CACNA2D1: variants seen among roughly 807,000 people sequenced by gnomAD.
The protein encoded by CACNA2D1 is voltage-dependent calcium channel subunit alpha-2/delta-1.
Under a neutral mutation model 171.5 loss-of-function variants are expected in CACNA2D1, and 53 were observed. The observed-to-expected ratio is 0.31, with a 90% CI of 0.25 to 0.39. The LOEUF (loss-of-function observed/expected upper bound fraction) is 0.39, where lower values mean the gene tolerates loss of function less well. Among genes scored for constraint, CACNA2D1 ranks in the 10% least tolerant of loss-of-function variants. The probability of loss-of-function intolerance (pLI) is 1.00; values close to 1 mark genes in which losing one functional copy is unlikely to be tolerated. For missense variants in CACNA2D1, 903 were observed against 1,299.8 expected (o/e 0.69, Z 4.69); for synonymous variants, 442 against 443.1 (o/e 1.00, Z 0.03).
At chr7:82,299,411 A>C (rs1812722815) in intron 3 of CACNA2D1, among the ~76,000 whole-genome samples, 1 of 152,108 alleles carries the variant, frequency 6.6e-6, no homozygotes, top group Admixed American at 6.5e-5. Flanking sequence ...CTGTAATCCC[A>C]GCACTTTGGG....
At chr7:82,276,947 C>T (rs915638267) in intron 3 of CACNA2D1, among the ~76,000 whole-genome samples, 2 of 151,922 alleles carry the variant, frequency 1.3e-5, no homozygotes, top group African/African-American at 4.8e-5. Flanking sequence ...TAGGGTTCAC[C>T]ATGTTGGCCA....
At chr7:82,323,730 A>G (rs964671058) in intron 3 of CACNA2D1, among the ~76,000 whole-genome samples, 3 of 152,226 alleles carry the variant, frequency 2.0e-5, no homozygotes, top group Non-Finnish European at 4.4e-5. Context: ...TACAAACCCA[A>G]CACTCCCTTT....
At chr7:81,974,848 T>C (rs1011583808) in intron 24 of CACNA2D1, among the ~76,000 whole-genome samples, 20 of 151,864 alleles carry the variant, frequency 1.3e-4, no homozygotes, top group Non-Finnish European at 2.6e-4. Context: ...CATATAGCAA[T>C]TAAAACAGAA....
At chr7:82,009,995 G>T (rs555494703) in intron 15 of CACNA2D1, among the ~76,000 whole-genome samples, 9 of 151,702 alleles carry the variant, frequency 5.9e-5, no homozygotes, top group South Asian at 2.1e-4. Flanking sequence ...TCATTTTTTT[G>T]ATATACTCAG....
At chr7:82,258,592 C>T (rs1806595062) in intron 3 of CACNA2D1, among the ~76,000 whole-genome samples, 1 of 152,102 alleles carries the variant, frequency 6.6e-6, no homozygotes, top group South Asian at 2.1e-4. Context: ...TTGAGCATCA[C>T]TCTAAACAGT....
At chr7:82,105,034 A>C (rs912400400) in intron 6 of CACNA2D1, among the ~76,000 whole-genome samples, 1 of 152,016 alleles carries the variant, frequency 6.6e-6, no homozygotes, top group African/African-American at 2.4e-5. Context: ...CTTATTTTTC[A>C]AACAGCTATA....
chr7:82,138,592 G>A (rs564773836), intron 4 of CACNA2D1, among the ~76,000 whole-genome samples: 2 of 151,612 alleles, frequency 1.3e-5, no homozygotes, highest in African/African-American at 2.4e-5. Context: ...GACTACAGGC[G>A]CCCGCCACCA....
chr7:82,077,659 A>G (rs1809154904), intron 7 of CACNA2D1, among the ~76,000 whole-genome samples: 2 of 152,278 alleles, frequency 1.3e-5, no homozygotes, highest in South Asian at 2.1e-4. Flanking sequence ...AATAATTATT[A>G]GCATAAAATG....
At position 82,402,196 on chromosome 7, in the gene CACNA2D1, G is replaced by T. The variant is rs58774054; in HGVS notation, c.95+41169C>A. 3.4e-3 allele frequency among the ~76,000 whole-genome samples: 511 copies of T among 152,226 alleles called. 1 individual carries two copies. Among genetic ancestry groups the T allele is most frequent in the African/African-American group, 0.012 (490 of 41,536 alleles). ...GGAGGCTGGGAAAGAATAGGCAAAGGAACAGCATATGCAAAGTCAGAGAGG... is the reference window on the plus strand; with the variant it reads ...GGAGGCTGGGAAAGAATAGGCAAAGTAACAGCATATGCAAAGTCAGAGAGG... On this transcript the variant is annotated intron_variant, in intron 1 of 38. Transcript: ENST00000356860.
chr7:82,027,567 T>G (rs1189414328), intron 12 of CACNA2D1: 2 of 151,676 alleles, frequency 1.3e-5, no homozygotes, highest in Non-Finnish European at 3.0e-5. Context: ...ATGTATAAGG[T>G]CTTCTATTGT....
intron 5 of CACNA2D1, among the ~76,000 whole-genome samples, chr7:82,129,206 T>A (rs1790679137): frequency 6.6e-6 from 1 of 152,208 alleles, no homozygotes; most frequent in African/African-American, 2.4e-5. Flanking sequence ...CTCTTGAATA[T>A]CCTTGAGCAA....
chr7:81,953,145 G>A (rs1291560333), intron 38 of CACNA2D1, among the ~76,000 whole-genome samples: 3 of 152,002 alleles, frequency 2.0e-5, no homozygotes, highest in Admixed American at 6.6e-5. Context: ...CTTACTGCTT[G>A]TCACTACTGC....
intron 3 of CACNA2D1, among the ~76,000 whole-genome samples, chr7:82,242,720 T>C (rs761233111): frequency 5.5e-4 from 83 of 152,154 alleles, no homozygotes; most frequent in Non-Finnish European, 9.0e-4. Flanking sequence ...CTTCTCCAAA[T>C]AGAGTCACTG....
chr7:82,086,229 G>A (rs941188863), intron 6 of CACNA2D1, among the ~76,000 whole-genome samples: 4 of 152,072 alleles, frequency 2.6e-5, no homozygotes, highest in South Asian at 2.1e-4. Context: ...TAAAAACAGC[G>A]CCTGTGAAAC....
chr7:82,118,007 A>T (rs955705673), intron 5 of CACNA2D1, among the ~76,000 whole-genome samples: 3 of 152,146 alleles, frequency 2.0e-5, no homozygotes, highest in Admixed American at 1.3e-4. Flanking sequence ...TGCTTTTTGC[A>T]TGTTTTTCAG....
At chr7:82,334,156 T>C (rs1335620819) in intron 3 of CACNA2D1, among the ~76,000 whole-genome samples, 1 of 152,146 alleles carries the variant, frequency 6.6e-6, no homozygotes, top group Non-Finnish European at 1.5e-5. Context: ...ACCCATTTGA[T>C]TGCCTATAAT....
At chr7:82,011,943 T>C (rs1799829776) in intron 15 of CACNA2D1, 1 of 513,836 alleles carries the variant, frequency 1.9e-6, no homozygotes, top group Admixed American at 3.4e-5. Context: ...AAGTAGACAA[T>C]AAGCTAACAC....
At chr7:82,111,804 A>C in intron 6 of CACNA2D1, among the ~76,000 whole-genome samples, 1 of 152,138 alleles carries the variant, frequency 6.6e-6, no homozygotes, top group South Asian at 2.1e-4. Context: ...ATAATTACAA[A>C]ATAGATATTT....
intron 3 of CACNA2D1, among the ~76,000 whole-genome samples, chr7:82,285,067 T>C (rs560285789): frequency 1.3e-4 from 20 of 152,168 alleles, no homozygotes; most frequent in African/African-American, 4.3e-4. Context: ...CATGCAGAGC[T>C]CTTTGATCCA....
Sources: gnomAD v4.1 joint callset for allele counts (sites outside exome capture counted in the v4.1 genomes callset) on GRCh38, gnomAD v4.1.1 for gene constraint, MANE v1.5 for transcripts, NCBI Gene and HGNC (gene_info 2026-07-23, HGNC 2026-07-21) for gene names.